MARCHF1: variants seen among roughly 807,000 people sequenced by gnomAD.
MARCHF1 encodes the protein E3 ubiquitin-protein ligase MARCHF1.
A neutral mutation model predicts 54.2 loss-of-function variants in MARCHF1; 40 were observed. The observed-to-expected ratio is 0.74, with a 90% confidence interval of 0.57 to 0.96. The LOEUF (loss-of-function observed/expected upper bound fraction) is 0.96. Among genes scored for constraint, MARCHF1 ranks in the 40% least tolerant of loss-of-function variants. The probability of loss-of-function intolerance (pLI) is 0.00; values close to 1 mark genes in which losing one functional copy is unlikely to be tolerated. For missense variants in MARCHF1, 586 were observed against 656.5 expected (o/e 0.89, Z 1.17); for synonymous variants, 236 against 236.3 (o/e 1.00, Z 0.01).
intron 4 of MARCHF1, among the ~76,000 whole-genome samples, chr4:163,796,221 G>GTTGTTTT (rs1554014060): frequency 1.2e-5 from 1 of 82,234 alleles, no homozygotes. Context: ...GAAACTTCTA[G>GTTGTTTT]TTTTTTTTTT....
intron 1 of MARCHF1, among the ~76,000 whole-genome samples, chr4:164,279,380 ATC>A (rs1272757716): frequency 1.3e-5 from 2 of 151,648 alleles, no homozygotes; most frequent in East Asian, 3.9e-4. Flanking sequence ...AAAATAGAAA[ATC>A]TCTGTCAAAA....
chr4:164,347,983 A>G (rs1224761683), intron 1 of MARCHF1, among the ~76,000 whole-genome samples: 2 of 152,170 alleles, frequency 1.3e-5, no homozygotes, highest in African/African-American at 4.8e-5. Flanking sequence ...TCCTAATCCT[A>G]TCAGACTTTA....
intron 2 of MARCHF1, among the ~76,000 whole-genome samples, chr4:164,027,051 A>G (rs564112414): frequency 1.3e-5 from 2 of 152,182 alleles, no homozygotes; most frequent in South Asian, 4.1e-4. Context: ...CTATAAGGAG[A>G]ACTAAAAAAC....
intron 4 of MARCHF1, among the ~76,000 whole-genome samples, chr4:163,826,091 A>G (rs4691938): frequency 0.8 from 122,178 of 151,954 alleles, 49,830 homozygotes; most frequent in South Asian, 0.91. Context: ...TGATAAACTC[A>G]CTGATAAATA....
At chr4:163,596,178 G>A (rs1033273433) in intron 7 of MARCHF1, among the ~76,000 whole-genome samples, 3 of 151,980 alleles carry the variant, frequency 2.0e-5, no homozygotes, top group African/African-American at 7.2e-5. Flanking sequence ...AGTTATGGAG[G>A]AAGAGAGCAA....
chr4:163,558,546 T>G (rs1435896023), intron 8 of MARCHF1, among the ~76,000 whole-genome samples: 1 of 152,156 alleles, frequency 6.6e-6, no homozygotes, highest in African/African-American at 2.4e-5. Flanking sequence ...GTAACTGATC[T>G]TTGAACTCAG....
chr4:164,287,568 C>T (rs1020232784), intron 1 of MARCHF1, among the ~76,000 whole-genome samples: 47 of 152,156 alleles, frequency 3.1e-4, no homozygotes, highest in African/African-American at 1.1e-3. Flanking sequence ...TTGTGTGCAA[C>T]CCTAGTAGGA....
chr4:164,185,435 T>A (rs60492172), intron 1 of MARCHF1, among the ~76,000 whole-genome samples: 1 of 152,064 alleles, frequency 6.6e-6, no homozygotes, highest in Non-Finnish European at 1.5e-5. Context: ...GTCCTGCACA[T>A]GTCAAATAAG....
At chr4:164,313,269 A>G (rs1329546845) in intron 1 of MARCHF1, among the ~76,000 whole-genome samples, 1 of 149,362 alleles carries the variant, frequency 6.7e-6, no homozygotes, top group Non-Finnish European at 1.5e-5. Context: ...GAATGGCGTG[A>G]ACCTGGGAGG....
chr4:163,813,804 G>C (rs1748459608), intron 4 of MARCHF1, among the ~76,000 whole-genome samples: 1 of 152,154 alleles, frequency 6.6e-6, no homozygotes, highest in South Asian at 2.1e-4. Flanking sequence ...TGAGTGTTGG[G>C]AGAAGCTGAG....
At chr4:164,102,451 G>A (rs1204021924) in intron 2 of MARCHF1, among the ~76,000 whole-genome samples, 1 of 134,006 alleles carries the variant, frequency 7.5e-6, no homozygotes, top group Non-Finnish European at 1.6e-5. Flanking sequence ...GAGAGTGGGG[G>A]CCAATATTCA....
intron 5 of MARCHF1, among the ~76,000 whole-genome samples, chr4:163,698,660 T>A (rs1744709176): frequency 6.6e-6 from 1 of 152,206 alleles, no homozygotes; most frequent in Non-Finnish European, 1.5e-5. Flanking sequence ...ACTGTGGATT[T>A]TTTTGATTTC....
At chr4:164,039,220 A>G (rs745636255) in intron 2 of MARCHF1, among the ~76,000 whole-genome samples, 9 of 152,182 alleles carry the variant, frequency 5.9e-5, no homozygotes, top group Non-Finnish European at 1.3e-4. Flanking sequence ...AGTAGCATTT[A>G]CTAATCCAGT....
In MARCHF1 at chr4:163,978,129, G is replaced by A. The variant is rs575213360; in HGVS notation, c.-39+10372C>T. On this transcript the variant is annotated intron_variant, in intron 3 of 9. Coordinates refer to ENST00000514618, the MANE Select transcript of MARCHF1 (RefSeq NM_001394959.1). ...CCAAATCAGCAAAGAAAAGCCATAA[G>A]GTTAGATTTCACTTATCTAAGGCAA... 2.0e-5 allele frequency among the ~76,000 whole-genome samples: 3 copies of A among 152,272 alleles called. No homozygotes were observed. In the South Asian group the frequency reaches 6.2e-4, roughly 32 times the overall value.
At position 163,822,202 on chromosome 4, in the gene MARCHF1, T is replaced by G. The variant is rs116645039; in HGVS notation, c.111+31819A>C. Among the ~76,000 whole-genome samples the G allele has an allele frequency of 6.8e-3, 1,027 of 152,068 alleles. 7 individuals are homozygous for G. Among genetic ancestry groups the G allele is most frequent in the South Asian group, 0.029 (140 of 4,822 alleles). On this transcript the variant is annotated intron_variant, in intron 4 of 9. Coordinates refer to ENST00000514618, the MANE Select transcript of MARCHF1 (RefSeq NM_001394959.1). ...AAGAGACAAAAGGTTTGTATACTTT[T>G]TTTTAATGAACATTCACTCTGCACA... is the stretch of plus-strand genomic sequence containing the variant.
intron 4 of MARCHF1, among the ~76,000 whole-genome samples, chr4:163,703,652 A>C (rs959723726): frequency 1.3e-5 from 2 of 152,118 alleles, no homozygotes; most frequent in Non-Finnish European, 2.9e-5. Context: ...AGTTCCTAAC[A>C]AGTCTGCGTG....
At chr4:164,078,679 T>C (rs1015377947) in intron 2 of MARCHF1, among the ~76,000 whole-genome samples, 5 of 152,344 alleles carry the variant, frequency 3.3e-5, no homozygotes, top group East Asian at 1.9e-4. Flanking sequence ...ATACTAGAAC[T>C]GAAGTTAAAA....
chr4:164,166,973 T>G (rs1423007816), intron 1 of MARCHF1, among the ~76,000 whole-genome samples: 2 of 151,464 alleles, frequency 1.3e-5, no homozygotes, highest in South Asian at 4.1e-4. Context: ...TTTTTAAATT[T>G]TATAAATCTT....
chr4:164,005,936 A>C (rs1322087868), intron 2 of MARCHF1, among the ~76,000 whole-genome samples: 1 of 152,166 alleles, frequency 6.6e-6, no homozygotes, highest in East Asian at 1.9e-4. Flanking sequence ...AAAAGGAGAT[A>C]GTGACCAAGC....
Sources: gnomAD v4.1 joint callset for allele counts (sites outside exome capture counted in the v4.1 genomes callset) on GRCh38, gnomAD v4.1.1 for gene constraint, MANE v1.5 for transcripts, NCBI Gene and HGNC (gene_info 2026-07-23, HGNC 2026-07-21) for gene names.